ABHD12B: variants seen among roughly 807,000 people sequenced by gnomAD.
ABHD12B encodes the protein protein ABHD12B.
In ABHD12B, 42 loss-of-function variants were observed where a neutral mutation model predicts 50.4. The observed-to-expected ratio is 0.83, with a 90% CI of 0.65 to 1.08. The LOEUF (loss-of-function observed/expected upper bound fraction) is 1.08. Among genes scored for constraint, ABHD12B ranks in the 50% least tolerant of loss-of-function variants. The pLI is 0.00. For missense variants in ABHD12B, 479 were observed against 447.7 expected (o/e 1.07, Z -0.63); for synonymous variants, 167 against 160.3 (o/e 1.04, Z -0.32).
At position 50,877,949 on chromosome 14, in the gene ABHD12B, C is replaced by A. The variant is rs759593331; in HGVS notation, c.105-3C>A. The A allele has an allele frequency of 2.1e-4, 312 of 1,515,224 alleles. 1 individual carries two copies. The highest frequency in any genetic ancestry group is 3.6e-4 in the South Asian group (29 of 79,544). The allele number at this position is 1,515,224 out of a possible 1,614,324, so 93.9% of individuals were successfully genotyped here. On this transcript the variant is annotated splice_polypyrimidine_tract_variant and splice_region_variant and intron_variant, in intron 1 of 12. Coordinates refer to ENST00000337334, the MANE Select transcript of ABHD12B (RefSeq NM_001206673.2). ...ACCTTGTGTGTTTCCCAATACCTTG[C>A]AGATATTTTCCACACTCCTGTTCAA...
In ABHD12B at chr14:50,904,448, C is replaced by T; in HGVS notation, c.*82C>T. On this transcript the variant is annotated 3_prime_UTR_variant, in exon 13 of 13. Coordinates refer to ENST00000337334, the MANE Select transcript of ABHD12B (RefSeq NM_001206673.2). Reference sequence around the variant, plus strand: ...TATATTGTTCTAATGTAAAATTGTACTGGGCTGGTCGGATGAGCTGAGGCC... The same window carrying T: ...TATATTGTTCTAATGTAAAATTGTATTGGGCTGGTCGGATGAGCTGAGGCC... 1 of 1,578,066 alleles carries T rather than the reference C, an allele frequency of 6.3e-7. No homozygotes were observed. The highest frequency in any genetic ancestry group is 8.7e-7 in the Non-Finnish European group (1 of 1,153,024).
At chr14:50,899,785 G>A (rs2050241696) in intron 9 of ABHD12B, among the ~76,000 whole-genome samples, 1 of 152,054 alleles carries the variant, frequency 6.6e-6, no homozygotes, top group African/African-American at 2.4e-5. Context: ...ACCTGGGCGT[G>A]GTGATGCATG....
intron 8 of ABHD12B, 149 bp from the exon 9 acceptor site, chr14:50,888,675 G>T: frequency 1.6e-6 from 1 of 632,998 alleles, no homozygotes; most frequent in Non-Finnish European, 2.7e-6. Context: ...ATATGAGGTG[G>T]GGTCCAGGAA....
chr14:50,884,192 C>A (rs1255949993), intron 5 of ABHD12B, among the ~76,000 whole-genome samples: 1 of 151,402 alleles, frequency 6.6e-6, no homozygotes, highest in Non-Finnish European at 1.5e-5. Context: ...CTAGATTTTT[C>A]TTCTTTCATG....
At chr14:50,900,986 G>A (rs549210166) in intron 9 of ABHD12B, among the ~76,000 whole-genome samples, 6 of 152,264 alleles carry the variant, frequency 3.9e-5, no homozygotes, top group Admixed American at 2.6e-4. Flanking sequence ...AGGCAGAATC[G>A]GGGAGCCACT....
At chr14:50,896,941 G>A (rs1221682405) in intron 9 of ABHD12B, among the ~76,000 whole-genome samples, 1 of 151,970 alleles carries the variant, frequency 6.6e-6, no homozygotes, top group Non-Finnish European at 1.5e-5. Flanking sequence ...TACTCAAAGA[G>A]GATTATTAAA....
In ABHD12B at chr14:50,904,492, C is replaced by A; in HGVS notation, c.*126C>A. ...TGAGGCCATTGACTTCTCTACAAATCACTTGCCATTTTAACAACAGAAAGT... is the reference window on the plus strand; with the variant it reads ...TGAGGCCATTGACTTCTCTACAAATAACTTGCCATTTTAACAACAGAAAGT... On this transcript the variant is annotated 3_prime_UTR_variant, in exon 13 of 13. Transcript: ENST00000337334. 1.7e-6 allele frequency: 2 copies of A among 1,200,646 alleles called. No homozygotes were observed. The highest frequency in any genetic ancestry group is 1.2e-5 in the South Asian group (1 of 81,698). 74.4% of individuals were successfully genotyped at this position (1,200,646 alleles called of 1,614,324 possible). A position where few individuals can be genotyped will look rare whatever the true frequency, so the allele number is the denominator to read the frequency against.
rs760744169 is a variant in ABHD12B at position 50,878,013 on chromosome 14, A to C, written c.166A>C (p.Thr56Pro). 6.5e-7 allele frequency: 1 copy of C among 1,535,100 alleles called. No individual in the cohort carries two copies. The highest frequency in any genetic ancestry group is 1.2e-5 in the South Asian group (1 of 83,776). ...AATTGCTGCTCTGTATGACAGCTTT[A>C]CTAGTAAATCCTTAAAAGAACACGT... ...RKIAALYDSF[T>P]SKSLKEHVFL... Residue 56 changes from threonine (T) to proline (P), a missense_variant, in exon 2 of 13, where the codon ACT becomes CCT. Transcript: ENST00000337334.
At chr14:50,872,386 C>A (rs894982509) in intron 1 of ABHD12B, 108 bp downstream of exon 1, 4 of 793,402 alleles carry the variant, frequency 5.0e-6, no homozygotes, top group Non-Finnish European at 6.8e-6. Context: ...TCTGCTGGCC[C>A]GGGCCCAAGG....
intron 3 of ABHD12B, among the ~76,000 whole-genome samples, chr14:50,879,351 T>C (rs1379336339): frequency 6.6e-6 from 1 of 152,214 alleles, no homozygotes; most frequent in African/African-American, 2.4e-5. Flanking sequence ...AATAAATGTT[T>C]GTGTGATGAT....
chr14:50,894,387 C>T (rs1319336845), intron 9 of ABHD12B, among the ~76,000 whole-genome samples: 1 of 151,816 alleles, frequency 6.6e-6, no homozygotes. Flanking sequence ...GCAAGAACCC[C>T]CCCACCCCTT....
intron 1 of ABHD12B, among the ~76,000 whole-genome samples, chr14:50,876,728 T>C (rs1481883066): frequency 6.6e-6 from 1 of 152,246 alleles, no homozygotes; most frequent in Non-Finnish European, 1.5e-5. Context: ...AACTTTCCAG[T>C]CTCATTTGCA....
At chr14:50,897,728 G>A (rs570453883) in intron 9 of ABHD12B, among the ~76,000 whole-genome samples, 1 of 152,172 alleles carries the variant, frequency 6.6e-6, no homozygotes, top group Admixed American at 6.5e-5. Flanking sequence ...TTGGTAAATT[G>A]TTTCTCCCTA....
rs747981965 is a variant in ABHD12B at position 50,880,614 on chromosome 14, A to G, written c.455+43A>G. 5.3e-6 allele frequency: 8 copies of G among 1,505,248 alleles called. No individual in the cohort carries two copies. The Admixed American group carries it at 1.6e-4, about 31-fold the overall frequency. The allele number at this position is 1,505,248 out of a possible 1,614,324, so 93.2% of individuals were successfully genotyped here. ...CATATTTTTTTTTCAGGAGATTGAGAGCATTTCAGCCCCATGGGGGAATGA... is the reference window on the plus strand; with the variant it reads ...CATATTTTTTTTTCAGGAGATTGAGGGCATTTCAGCCCCATGGGGGAATGA... On this transcript the variant is annotated intron_variant, in intron 4 of 12. Coordinates refer to ENST00000337334, the MANE Select transcript of ABHD12B (RefSeq NM_001206673.2).
chr14:50,872,242 T>C lies in ABHD12B; in HGVS notation c.68T>C (p.Val23Ala). Residue 23 changes from valine (V) to alanine (A), a missense_variant, in exon 1 of 13, where the codon GTG (valine) becomes GCG (alanine). Physicochemically the swap from Val to Ala is moderately conservative, Grantham distance 64 (BLOSUM62 0). Coordinates refer to ENST00000337334, the MANE Select transcript of ABHD12B (RefSeq NM_001206673.2). ...CCCGGGCCCCCAGCCCGTAGCTGCGTGGCCGCCTGGTGGGACATGGTCGAC... is the reference window on the plus strand; with the variant it reads ...CCCGGGCCCCCAGCCCGTAGCTGCGCGGCCGCCTGGTGGGACATGGTCGAC... ...EPPGPPARSC[V>A]AAWWDMVDRN... is the part of the protein sequence containing the mutation. The C allele has an allele frequency of 1.4e-6, 2 of 1,393,800 alleles. No individual in the cohort carries two copies. Among genetic ancestry groups the C allele is most frequent in the East Asian group, 3.1e-5 (1 of 32,488 alleles). 86.3% of individuals were successfully genotyped at this position (1,393,800 alleles called of 1,614,324 possible).
intron 1 of ABHD12B, among the ~76,000 whole-genome samples, chr14:50,875,258 G>T (rs1410443481): frequency 6.6e-6 from 1 of 152,258 alleles, no homozygotes; most frequent in Non-Finnish European, 1.5e-5. Context: ...TTCCATGGGT[G>T]TGAAGGAAGA....
chr14:50,883,112 T>C (rs1448091720), intron 5 of ABHD12B, among the ~76,000 whole-genome samples: 1 of 152,182 alleles, frequency 6.6e-6, no homozygotes, highest in South Asian at 2.1e-4. Flanking sequence ...TGTTTCCAGG[T>C]ATGCAGAAGA....
At chr14:50,880,403 A>T in intron 3 of ABHD12B, 49 bp from the exon 4 acceptor site, 1 of 1,521,180 alleles carries the variant, frequency 6.6e-7, no homozygotes, top group Non-Finnish European at 8.8e-7. Flanking sequence ...TTTGGAAAGG[A>T]TGGAGAATTC....
intron 1 of ABHD12B, among the ~76,000 whole-genome samples, chr14:50,875,256 G>A (rs1170358074): frequency 2.0e-5 from 3 of 152,238 alleles, no homozygotes; most frequent in Non-Finnish European, 2.9e-5. Flanking sequence ...ACTTCCATGG[G>A]TGTGAAGGAA....
Sources: gnomAD v4.1 joint callset for allele counts (sites outside exome capture counted in the v4.1 genomes callset) on GRCh38, gnomAD v4.1.1 for gene constraint, MANE v1.5 for transcripts, NCBI Gene and HGNC (gene_info 2026-07-23, HGNC 2026-07-21) for gene names.